Variants in TRPM1 observed in about 807,000 individuals in gnomAD.
TRPM1 encodes the protein transient receptor potential cation channel subfamily M member 1.
TRPM1 carries 113 observed loss-of-function variants against 149.4 expected under a neutral mutation model. The ratio of observed to expected loss-of-function variants is 0.76; its 90% CI spans 0.65 to 0.88. TRPM1 has a LOEUF of 0.88. Ranked by LOEUF, TRPM1 falls within the 40% of genes least tolerant of loss-of-function variation. The probability of loss-of-function intolerance (pLI) is 0.00; values close to 1 mark genes in which losing one functional copy is unlikely to be tolerated. For missense variants in TRPM1, 1,976 were observed against 2,038.7 expected (o/e 0.97, Z 0.59); for synonymous variants, 741 against 759.5 (o/e 0.98, Z 0.40).
chr15:31,142,027 C>T (rs1029206687), intron 1 of TRPM1, among the ~76,000 whole-genome samples: 5 of 152,034 alleles, frequency 3.3e-5, no homozygotes, highest in Non-Finnish European at 7.4e-5. Context: ...TCAAGACCAG[C>T]CCAGGCAATT....
At chr15:31,019,848 T>C (rs192949587) in intron 27 of TRPM1, among the ~76,000 whole-genome samples, 19 of 151,724 alleles carry the variant, frequency 1.3e-4, no homozygotes, top group Middle Eastern at 3.4e-3. Context: ...TTTGCATTTT[T>C]AGTAGAAAAG....
At chr15:31,119,278 A>C (rs2035844843) in intron 1 of TRPM1, among the ~76,000 whole-genome samples, 1 of 152,070 alleles carries the variant, frequency 6.6e-6, no homozygotes, top group Admixed American at 6.5e-5. Flanking sequence ...AAATAAACTT[A>C]TCTATAGAGG....
chr15:31,051,759 T>C (rs1339429813), intron 11 of TRPM1, among the ~76,000 whole-genome samples: 1 of 152,106 alleles, frequency 6.6e-6, no homozygotes, highest in Non-Finnish European at 1.5e-5. Context: ...GGCCCACCTC[T>C]CTCCCCAGAG....
chr15:31,106,466 T>C (rs1463661417), upstream of TRPM1, among the ~76,000 whole-genome samples: 2 of 152,236 alleles, frequency 1.3e-5, no homozygotes, highest in African/African-American at 4.8e-5. Flanking sequence ...AAAATTATTG[T>C]TTTATCCTTT....
chr15:31,109,382 A>G (rs2035653029), intron 1 of TRPM1, among the ~76,000 whole-genome samples: 1 of 147,208 alleles, frequency 6.8e-6, no homozygotes, highest in South Asian at 2.2e-4. Flanking sequence ...AAAGAAAAGA[A>G]GAGAAAAGAA....
intron 11 of TRPM1, among the ~76,000 whole-genome samples, chr15:31,051,443 T>G (rs2140942318): frequency 6.6e-6 from 1 of 152,362 alleles, no homozygotes; most frequent in South Asian, 2.1e-4. Context: ...GGCTGTGGGT[T>G]TAGTTGCTGA....
At chr15:31,094,043 A>G (rs934786583) in intron 1 of TRPM1, among the ~76,000 whole-genome samples, 3 of 152,242 alleles carry the variant, frequency 2.0e-5, no homozygotes, top group Non-Finnish European at 4.4e-5. Context: ...TTGAGATTTC[A>G]GAAATAAGTC....
At position 31,026,859 on chromosome 15, in the gene TRPM1, AT is replaced by A. The variant is rs577282064; in HGVS notation, c.3496+55del. 1.5e-5 allele frequency: 24 copies of A among 1,578,832 alleles called. No individual in the cohort carries two copies. In the South Asian group the frequency reaches 2.4e-4, roughly 16 times the overall value. On this transcript the variant is annotated intron_variant, in intron 26 of 27. Transcript: ENST00000256552. ...AGTGAGATTTCTGTGAGGATGTCCA[AT>A]TTGAACACTATTTTGAAATCAGCCC...
At chr15:31,090,158 C>G (rs2035194384) in intron 1 of TRPM1, among the ~76,000 whole-genome samples, 1 of 152,282 alleles carries the variant, frequency 6.6e-6, no homozygotes, top group Non-Finnish European at 1.5e-5. Flanking sequence ...CTTCCTGGTT[C>G]TCAGCACACA....
rs957773537 is a variant in TRPM1, at chr15:31,036,616, C to T, written c.2572-942G>A. ...ATGTGTGATGACTCCACCCTCCACC[C>T]GATCCAGAGGGTCTGGGGTGAGACC... is the stretch of plus-strand genomic sequence containing the variant. On this transcript the variant is annotated intron_variant, in intron 20 of 27. Coordinates refer to ENST00000256552, the MANE Select transcript of TRPM1 (RefSeq NM_001252024.2). Among the ~76,000 whole-genome samples, 17 of 152,196 alleles carry T rather than the reference C, an allele frequency of 1.1e-4. No individual in the cohort carries two copies. The South Asian group carries it at 1.2e-3, about 11-fold the overall frequency.
intron 3 of TRPM1, among the ~76,000 whole-genome samples, chr15:31,073,382 T>A (rs1567035502): frequency 6.6e-6 from 1 of 152,170 alleles, no homozygotes; most frequent in Non-Finnish European, 1.5e-5. Context: ...CCTATGCCAG[T>A]ATCGTTGTCC....
At chr15:31,161,106 G>T in exon 1 of TRPM1, 1 of 754,004 alleles carries the variant, frequency 1.3e-6, no homozygotes, top group Non-Finnish European at 2.2e-6. Context: ...CGCACTGGGC[G>T]AGGGGGCCGA....
chr15:31,102,982 C>CGTG, upstream of TRPM1, among the ~76,000 whole-genome samples: 1 of 152,208 alleles, frequency 6.6e-6, no homozygotes, highest in Non-Finnish European at 1.5e-5. Context: ...GAGGGTGCTA[C>CGTG]GTGGCCGGAA....
rs990391685 is a variant in TRPM1, at chr15:31,101,174, G to A, written c.-84+483C>T. Among the ~76,000 whole-genome samples, 40 of 152,306 alleles carry A rather than the reference G, an allele frequency of 2.6e-4. 1 individual carries two copies. The highest frequency in any genetic ancestry group is 3.4e-3 in the Middle Eastern group (1 of 294). ...TCTAAGGAAGGTGCACCTTTTCCCT[G>A]AAGCAAAGTAAGATGCTAAGGAATG... On this transcript the variant is annotated intron_variant, in intron 1 of 27. Coordinates refer to ENST00000256552, the MANE Select transcript of TRPM1 (RefSeq NM_001252024.2).
chr15:31,006,234 G>A (rs933894648), intron 27 of TRPM1, among the ~76,000 whole-genome samples: 8 of 151,808 alleles, frequency 5.3e-5, no homozygotes, highest in African/African-American at 1.7e-4. Context: ...CTAGAGTACA[G>A]TGGCGCAATT....
chr15:31,065,757 A>G (rs1006604354), intron 7 of TRPM1, among the ~76,000 whole-genome samples: 3 of 152,244 alleles, frequency 2.0e-5, no homozygotes, highest in East Asian at 1.9e-4. Flanking sequence ...TTTTCCTGTT[A>G]AAACACTTAA....
At chr15:31,144,004 TA>T (rs1408997556) in intron 1 of TRPM1, among the ~76,000 whole-genome samples, 1 of 152,174 alleles carries the variant, frequency 6.6e-6, no homozygotes, top group African/African-American at 2.4e-5. Flanking sequence ...TGAGAATACG[TA>T]TGGAATGTTA....
In TRPM1 at chr15:31,031,136, C is replaced by T. The variant is rs2033051970; in HGVS notation, c.2974G>A (p.Val992Met). The T allele has an allele frequency of 1.9e-6, 3 of 1,614,088 alleles. No homozygotes were observed. Among genetic ancestry groups the T allele is most frequent in the South Asian group, 1.1e-5 (1 of 91,088 alleles). The change falls in exon 23 of 28, where the codon GTG (valine) becomes ATG (methionine). Residue 992 changes from valine (V) to methionine (M), a missense_variant. Val to Met is a conservative substitution (Grantham distance 21). Coordinates refer to ENST00000256552, the MANE Select transcript of TRPM1 (RefSeq NM_001252024.2). ...GKMMIDMLYFVVIMLVVLMSF... is the reference protein window; with the variant it reads ...GKMMIDMLYFMVIMLVVLMSF... ...ATGAGCACGACCAGCATGATGACCA[C>T]AAAGTACAGCATGTCGATCATCTGA...
chr15:31,156,721 C>G (rs986948827), intron 1 of TRPM1, among the ~76,000 whole-genome samples: 1 of 152,144 alleles, frequency 6.6e-6, no homozygotes, highest in Non-Finnish European at 1.5e-5. Flanking sequence ...AGTGCCTGGG[C>G]GCATGTTCTC....
Sources: allele counts gnomAD v4.1 joint callset (sites outside exome capture counted in the v4.1 genomes callset), GRCh38; gene constraint gnomAD v4.1.1; transcripts MANE v1.5; gene names NCBI Gene and HGNC (gene_info 2026-07-23, HGNC 2026-07-21).